RBBP4: variants seen among roughly 807,000 people sequenced by gnomAD.
RBBP4 encodes the protein RB binding protein 4, chromatin remodeling factor, also known as histone-binding protein RBBP4.
Under a neutral mutation model 57.2 loss-of-function variants are expected in RBBP4, and 3 were observed. That is an observed-to-expected ratio of 0.05 (90% confidence interval 0.02 to 0.14). The LOEUF is 0.14. Ranked by LOEUF, RBBP4 falls within the 10% of genes least tolerant of loss-of-function variation. The probability of loss-of-function intolerance (pLI) is 1.00; values close to 1 mark genes in which losing one functional copy is unlikely to be tolerated. For synonymous variants in RBBP4, 151 were observed against 171.5 expected (o/e 0.88, Z 0.93); for missense variants, 107 against 520.6 (o/e 0.21, Z 7.73).
At chr1:32,651,875 G>A in intron 1 of RBBP4, 39 bp from the exon 2 acceptor site, 1 of 1,601,314 alleles carries the variant, frequency 6.2e-7, no homozygotes, top group Non-Finnish European at 8.5e-7. Flanking sequence ...CTCGGTTTCC[G>A]TTTGTTTGCT....
chr1:32,655,680 T>C (rs1648109313), intron 2 of RBBP4, among the ~76,000 whole-genome samples: 1 of 152,208 alleles, frequency 6.6e-6, no homozygotes, highest in Admixed American at 6.6e-5. Context: ...GTTTGACATG[T>C]TGTAAATGGA....
At chr1:32,653,533 A>C (rs926009356) in intron 2 of RBBP4, among the ~76,000 whole-genome samples, 1 of 149,056 alleles carries the variant, frequency 6.7e-6, no homozygotes, top group African/African-American at 2.5e-5. Context: ...TTACAGTGGC[A>C]TAAGGAAAAA....
At position 32,668,721 on chromosome 1, in the gene RBBP4, G is replaced by A. The variant is rs1648754787; in HGVS notation, c.485-18G>A. On this transcript the variant is annotated intron_variant, in intron 4 of 11. Coordinates refer to ENST00000373493, the MANE Select transcript of RBBP4 (RefSeq NM_005610.3). The stretch of plus-strand genomic sequence containing the variant: ...AGCCAGTGGACTGGGTAGTCTTGAT[G>A]TGTCTGTCACTTTGCAGATCCTTCT... 3.1e-6 allele frequency: 5 copies of A among 1,598,796 alleles called. No homozygotes were observed. Among genetic ancestry groups the A allele is most frequent in the Non-Finnish European group, 4.3e-6 (5 of 1,167,826 alleles).
At position 32,658,327 on chromosome 1, in the gene RBBP4, A is replaced by G. The variant is rs540622165; in HGVS notation, c.310+755A>G. On this transcript the variant is annotated intron_variant, in intron 3 of 11. Coordinates refer to ENST00000373493, the MANE Select transcript of RBBP4 (RefSeq NM_005610.3). Reference sequence around the variant, plus strand: ...ATTTCATGGGACTGGTGGGGAGGGAATAGTTCTTAAAAGAGTTCTTAGAGG... The same window carrying G: ...ATTTCATGGGACTGGTGGGGAGGGAGTAGTTCTTAAAAGAGTTCTTAGAGG... Among the ~76,000 whole-genome samples the G allele has an allele frequency of 2.2e-3, 327 of 150,614 alleles. 3 individuals carry two copies. The Middle Eastern group carries it at 0.061, about 28-fold the overall frequency.
At chr1:32,670,694 T>C (rs804881) in intron 8 of RBBP4, among the ~76,000 whole-genome samples, 126,560 of 152,100 alleles carry the variant, frequency 0.83, 55,009 homozygotes, top group Non-Finnish European at 0.96. Context: ...TGCCTCAGCC[T>C]CCCAAAGTGC....
intron 3 of RBBP4, among the ~76,000 whole-genome samples, chr1:32,660,832 C>T (rs571762908): frequency 6.6e-6 from 1 of 152,068 alleles, no homozygotes; most frequent in Non-Finnish European, 1.5e-5. Context: ...TATTTTGAGG[C>T]GGAGTCTTGC....
intron 2 of RBBP4, among the ~76,000 whole-genome samples, chr1:32,656,499 C>T (rs187247430): frequency 6.6e-6 from 1 of 152,258 alleles, no homozygotes; most frequent in Non-Finnish European, 1.5e-5. Context: ...ACTACAGGCA[C>T]CGCCACCACA....
At chr1:32,658,524 T>A (rs1648243847) in intron 3 of RBBP4, among the ~76,000 whole-genome samples, 1 of 149,658 alleles carries the variant, frequency 6.7e-6, no homozygotes, top group East Asian at 2.0e-4. Context: ...AGGGTTTAAC[T>A]GCTCATGAAA....
intron 3 of RBBP4, among the ~76,000 whole-genome samples, chr1:32,658,928 GTTATAT>G (rs1297971993): frequency 1.4e-4 from 8 of 55,340 alleles, no homozygotes; most frequent in South Asian, 9.1e-4. Context: ...CAATATAAAT[GTTATAT>G]TTATATATAA....
At chr1:32,677,857 A>G (rs1649172749) in intron 11 of RBBP4, among the ~76,000 whole-genome samples, 2 of 152,236 alleles carry the variant, frequency 1.3e-5, no homozygotes, top group South Asian at 4.1e-4. Context: ...TGTCCTCTGC[A>G]GTACCTATCA....
At chr1:32,663,908 CT>C (rs1557855330) in intron 3 of RBBP4, among the ~76,000 whole-genome samples, 1 of 136,004 alleles carries the variant, frequency 7.4e-6, no homozygotes, top group Middle Eastern at 3.4e-3. Flanking sequence ...TTTTCCATTT[CT>C]TTTTTTAACC....
Position 32,651,293 on chromosome 1 carries a change from C to T in RBBP4, c.-14C>T, listed in dbSNP as rs1304362723. Reference sequence around the variant, plus strand: ...ACGCTCGACCCCAGGATTCCCCCGGCTCGCCTGCCCGCCATGGCCGACAAG... The same window carrying T: ...ACGCTCGACCCCAGGATTCCCCCGGTTCGCCTGCCCGCCATGGCCGACAAG... On this transcript the variant is annotated 5_prime_UTR_variant, in exon 1 of 12. Coordinates refer to ENST00000373493, the MANE Select transcript of RBBP4 (RefSeq NM_005610.3). 14 of 1,481,302 alleles carry T rather than the reference C, an allele frequency of 9.5e-6. No homozygotes were observed. In the South Asian group the frequency reaches 1.4e-4, roughly 15 times the overall value. 91.8% of individuals were successfully genotyped at this position (1,481,302 alleles called of 1,614,324 possible). A position where few individuals can be genotyped will look rare whatever the true frequency, so the allele number is the denominator to read the frequency against.
intron 3 of RBBP4, among the ~76,000 whole-genome samples, chr1:32,659,024 G>T: frequency 6.8e-6 from 1 of 146,134 alleles, no homozygotes; most frequent in African/African-American, 2.5e-5. Flanking sequence ...TATAATTTTA[G>T]ATAATATAAA....
intron 11 of RBBP4, among the ~76,000 whole-genome samples, chr1:32,677,880 C>G (rs1025129373): frequency 6.6e-6 from 1 of 152,114 alleles, no homozygotes; most frequent in Admixed American, 6.6e-5. Context: ...GTGATATGTG[C>G]ATGGTAGGTG....
At chr1:32,653,675 T>TG (rs1425001306) in intron 2 of RBBP4, among the ~76,000 whole-genome samples, 1 of 114,426 alleles carries the variant, frequency 8.7e-6, no homozygotes, top group African/African-American at 3.6e-5. Context: ...TGTTTTTTTT[T>TG]TTGAGACGGA....
intron 3 of RBBP4, among the ~76,000 whole-genome samples, chr1:32,659,083 T>TGC (rs974395444): frequency 6.1e-5 from 9 of 147,614 alleles, no homozygotes; most frequent in African/African-American, 9.8e-5. Flanking sequence ...TAAAACTACA[T>TGC]GTGTATATAT....
At chr1:32,651,621 C>G in intron 1 of RBBP4, 1 of 841,172 alleles carries the variant, frequency 1.2e-6, no homozygotes, top group Non-Finnish European at 1.7e-6. Flanking sequence ...TTCCTACCCA[C>G]AAGGCTCGGA....
chr1:32,664,448 T>G (rs1010519890), intron 3 of RBBP4, among the ~76,000 whole-genome samples: 4 of 152,022 alleles, frequency 2.6e-5, no homozygotes, highest in Non-Finnish European at 5.9e-5. Flanking sequence ...ATGCTTCTTT[T>G]TTTGTTTGTT....
intron 3 of RBBP4, among the ~76,000 whole-genome samples, chr1:32,667,846 G>A (rs1648719845): frequency 6.6e-6 from 1 of 152,042 alleles, no homozygotes; most frequent in Non-Finnish European, 1.5e-5. Context: ...AATGTCTCTA[G>A]ATTACCTATA....
Sources: gnomAD v4.1 joint callset for allele counts (sites outside exome capture counted in the v4.1 genomes callset) on GRCh38, gnomAD v4.1.1 for gene constraint, MANE v1.5 for transcripts, NCBI Gene and HGNC (gene_info 2026-07-23, HGNC 2026-07-21) for gene names.